The following PRIM2 variants were observed in gnomAD, a reference collection of about 807,000 sequenced individuals.
PRIM2 encodes the protein DNA primase subunit 2.
Under a neutral mutation model 67.3 loss-of-function variants are expected in PRIM2, and 39 were observed. That is an observed-to-expected ratio of 0.58 (90% CI 0.45 to 0.76). The LOEUF (loss-of-function observed/expected upper bound fraction) is 0.76, where lower values mean the gene tolerates loss of function less well. Among genes scored for constraint, PRIM2 ranks in the 30% least tolerant of loss-of-function variants. The probability of loss-of-function intolerance (pLI) is 0.00; values close to 1 mark genes in which losing one functional copy is unlikely to be tolerated. For missense variants in PRIM2, 398 were observed against 598.7 expected, an observed-to-expected ratio of 0.66 and a Z score of 3.50; for synonymous variants, 143 against 198.7, an observed-to-expected ratio of 0.72 and a Z score of 2.36.
chr6:57,302,985 A>C, the PRIM2 span, among the ~76,000 whole-genome samples: 1 of 152,222 alleles, frequency 6.6e-6, no homozygotes, highest in Non-Finnish European at 1.5e-5. Flanking sequence ...AATGTAAAAA[A>C]GCCCTTAAAA....
the PRIM2 span, among the ~76,000 whole-genome samples, chr6:57,251,476 C>T: frequency 6.6e-6 from 1 of 152,152 alleles, no homozygotes; most frequent in Non-Finnish European, 1.5e-5. Context: ...GTCAGTCATC[C>T]CCTAGGTTTT....
intron 7 of PRIM2, among the ~76,000 whole-genome samples, chr6:57,423,463 A>G (rs1771525707): frequency 6.6e-6 from 1 of 152,152 alleles, no homozygotes; most frequent in Non-Finnish European, 1.5e-5. Flanking sequence ...ATTAGACCCT[A>G]TTGCTCTGAA....
intron 7 of PRIM2, among the ~76,000 whole-genome samples, chr6:57,437,695 T>C (rs950702498): frequency 4.9e-4 from 74 of 150,946 alleles, no homozygotes; most frequent in African/African-American, 1.7e-3. Flanking sequence ...AGACAGGGTC[T>C]TACTCTGTCA....
chr6:57,241,310 G>A, the PRIM2 span, among the ~76,000 whole-genome samples: 4 of 152,086 alleles, frequency 2.6e-5, no homozygotes, highest in African/African-American at 9.7e-5. Context: ...TCAGGAGGCT[G>A]AGACTGGAGG....
At chr6:57,251,357 C>T in the PRIM2 span, among the ~76,000 whole-genome samples, 41 of 152,280 alleles carry the variant, frequency 2.7e-4, no homozygotes, top group Non-Finnish European at 4.7e-4. Context: ...ATCTCAGTGG[C>T]CTACCACAAT....
intron 7 of PRIM2, among the ~76,000 whole-genome samples, chr6:57,457,794 C>T (rs1772855366): frequency 6.6e-6 from 1 of 152,164 alleles, no homozygotes; most frequent in Non-Finnish European, 1.5e-5. Context: ...ACCCACTGTC[C>T]TGCACCCACT....
the PRIM2 span, among the ~76,000 whole-genome samples, chr6:57,240,226 C>T: frequency 6.6e-6 from 1 of 151,478 alleles, no homozygotes; most frequent in Non-Finnish European, 1.5e-5. Context: ...CTCAGCCTCT[C>T]AAGTAGCTGG....
chr6:57,273,876 G>C, the PRIM2 span, among the ~76,000 whole-genome samples: 1 of 152,168 alleles, frequency 6.6e-6, no homozygotes, highest in Admixed American at 6.6e-5. Flanking sequence ...GTCTGTTGGC[G>C]TTTGCTAGAG....
the PRIM2 span, among the ~76,000 whole-genome samples, chr6:57,252,297 G>GT: frequency 1.3e-5 from 2 of 152,192 alleles, no homozygotes; most frequent in Non-Finnish European, 2.9e-5. Flanking sequence ...GGCTCGCTAT[G>GT]TACTGGGAAC....
At chr6:57,406,019 G>A (rs1391466155) in intron 7 of PRIM2, among the ~76,000 whole-genome samples, 1 of 152,190 alleles carries the variant, frequency 6.6e-6, no homozygotes, top group Non-Finnish European at 1.5e-5. Context: ...AGAGAAGTCT[G>A]TACCAGGTAA....
chr6:57,314,172 G>A (rs951002882), upstream of PRIM2, among the ~76,000 whole-genome samples: 10 of 152,344 alleles, frequency 6.6e-5, no homozygotes, highest in African/African-American at 7.2e-5. Flanking sequence ...TCTGTTTAAT[G>A]GGAAGCTGAA....
chr6:57,380,435 C>T (rs532972666), intron 6 of PRIM2, among the ~76,000 whole-genome samples: 31 of 152,296 alleles, frequency 2.0e-4, no homozygotes, highest in African/African-American at 7.2e-4. Context: ...TGGGCTCTGA[C>T]ATTGTAAGCC....
At chr6:57,459,239 C>T (rs62399129) in intron 7 of PRIM2, among the ~76,000 whole-genome samples, 1 of 152,134 alleles carries the variant, frequency 6.6e-6, no homozygotes, top group Non-Finnish European at 1.5e-5. Flanking sequence ...GTAAAATGCT[C>T]AGGGTAGCAC....
intron 10 of PRIM2, among the ~76,000 whole-genome samples, chr6:57,585,634 G>A (rs1351777961): frequency 6.6e-6 from 1 of 152,120 alleles, no homozygotes; most frequent in African/African-American, 2.4e-5. Flanking sequence ...AGATACCGAG[G>A]GTGATCAAAT....
intron 12 of PRIM2, among the ~76,000 whole-genome samples, chr6:57,629,453 G>A (rs1395439966): frequency 7.2e-5 from 11 of 152,146 alleles, no homozygotes; most frequent in African/African-American, 2.2e-4. Context: ...AAATCAGTTG[G>A]CAGGGGAAGG....
chr6:57,554,815 A>G (rs1305124730), intron 10 of PRIM2, among the ~76,000 whole-genome samples: 3 of 152,210 alleles, frequency 2.0e-5, no homozygotes, highest in Non-Finnish European at 4.4e-5. Flanking sequence ...CTGTTGTCGT[A>G]AAGACAGACT....
chr6:57,410,445 C>CT (rs2035957124), intron 7 of PRIM2, among the ~76,000 whole-genome samples: 1 of 151,292 alleles, frequency 6.6e-6, no homozygotes, highest in Non-Finnish European at 1.5e-5. Context: ...TGTTTCTGTA[C>CT]TTTTTTCTGT....
intron 7 of PRIM2, among the ~76,000 whole-genome samples, chr6:57,432,430 G>A (rs1771869238): frequency 6.6e-6 from 1 of 152,074 alleles, no homozygotes; most frequent in South Asian, 2.1e-4. Context: ...GTTCTGTGAC[G>A]GGCACTATTA....
At chr6:57,365,136 C>A (rs1769316529) in intron 5 of PRIM2, among the ~76,000 whole-genome samples, 1 of 150,508 alleles carries the variant, frequency 6.6e-6, no homozygotes, top group African/African-American at 2.5e-5. Flanking sequence ...AAAATAGCTT[C>A]TTAAATTATT....
Sources: allele counts gnomAD v4.1 joint callset (sites outside exome capture counted in the v4.1 genomes callset), GRCh38; gene constraint gnomAD v4.1.1; transcripts MANE v1.5; gene names NCBI Gene and HGNC (gene_info 2026-07-23, HGNC 2026-07-21).